The following RADIL variants were observed in gnomAD, a reference collection of about 807,000 sequenced individuals.
RADIL encodes Rap associating with DIL domain, also known as ras-associating and dilute domain-containing protein.
In RADIL, 99 loss-of-function variants were observed where a neutral mutation model predicts 97.6. The ratio of observed to expected loss-of-function variants is 1.01; its 90% confidence interval spans 0.86 to 1.20. The LOEUF (loss-of-function observed/expected upper bound fraction) is 1.20, where lower values mean the gene tolerates loss of function less well. RADIL is among the 50% of genes most tolerant of loss of function. The pLI, the probability that RADIL is intolerant of heterozygous loss-of-function variation, is 0.00. For missense variants in RADIL, 1,765 were observed against 1,498.9 expected, an observed-to-expected ratio of 1.18 and a Z score of -2.93; for synonymous variants, 803 against 691.8, an observed-to-expected ratio of 1.16 and a Z score of -2.52.
At position 4,842,315 on chromosome 7, in the gene RADIL, C is replaced by T. The variant is rs1004661121; in HGVS notation, c.536-5710G>A. Among the ~76,000 whole-genome samples the T allele has an allele frequency of 4.6e-5, 7 of 152,174 alleles. No individual in the cohort carries two copies. Among genetic ancestry groups the T allele is most frequent in the African/African-American group, 1.7e-4 (7 of 41,440 alleles). ...CTCCATGTCCCTGAAGCTCTGTTAG[C>T]GGCCTTCCTCCCCAGCCTGGGCCAA... On this transcript the variant is annotated intron_variant, in intron 2 of 14. Transcript: ENST00000399583. The surrounding 1 kb of genome is among the most constrained non-coding windows in gnomAD (Gnocchi z 4.5).
At chr7:4,804,217 A>G (rs1553961) in intron 10 of RADIL, 63,733 of 245,438 alleles carry the variant, frequency 0.26, 12,363 homozygotes, top group African/African-American at 0.61. Context: ...GAACAGGAGC[A>G]CCTTTCAGGC....
Position 4,801,857 on chromosome 7 carries a change from G to C in RADIL, c.2638C>G (p.Pro880Ala), listed in dbSNP as rs774872627. ...CCACGGCTGGGTTGCCTTCCAGGGG[G>C]GGCCTGTGCCCAGGGAGCCCCCCTC... ...PLRGAPWAQA[P>A]PGRQPSRGGS... The change falls in exon 12 of 15, where the codon CCC (proline) becomes GCC (alanine). Residue 880 changes from proline (P) to alanine (A), a missense_variant. By Grantham distance (27) the Pro-to-Ala change is conservative. Transcript: ENST00000399583. 1 of 1,595,818 alleles carries C rather than the reference G, an allele frequency of 6.3e-7. No homozygotes were observed. The highest frequency in any genetic ancestry group is 8.5e-7 in the Non-Finnish European group (1 of 1,171,828).
At chr7:4,832,678 G>A (rs1054350994) in intron 4 of RADIL, among the ~76,000 whole-genome samples, 1 of 148,132 alleles carries the variant, frequency 6.8e-6, no homozygotes, top group African/African-American at 2.5e-5. Context: ...GGCAGAGGTT[G>A]CAGTGAGACG....
At chr7:4,832,741 CAAAAAAAAA>C (rs71032992) in intron 4 of RADIL, among the ~76,000 whole-genome samples, 2 of 66,524 alleles carry the variant, frequency 3.0e-5, no homozygotes, top group Admixed American at 1.8e-4. Flanking sequence ...TCCGTCTCAG[CAAAAAAAAA>C]AAAAAAAAAA....
chr7:4,862,977 C>G (rs1437875931), intron 2 of RADIL, among the ~76,000 whole-genome samples: 1 of 152,080 alleles, frequency 6.6e-6, no homozygotes, highest in Non-Finnish European at 1.5e-5. Context: ...ATTCCCGAAT[C>G]AGAAGTCATG....
chr7:4,816,067 C>T (rs1345191689), intron 8 of RADIL, among the ~76,000 whole-genome samples, 161 bp downstream of exon 8: 1 of 152,176 alleles, frequency 6.6e-6, no homozygotes, highest in African/African-American at 2.4e-5. Flanking sequence ...GATCTGTCCC[C>T]CCTCACTCTG....
intron 2 of RADIL, 125 bp downstream of exon 2, chr7:4,877,480 G>T (rs1038233687): frequency 9.4e-7 from 1 of 1,059,396 alleles, no homozygotes; most frequent in African/African-American, 1.6e-5. Flanking sequence ...CACGGGCTCC[G>T]ACTGCCTCCT....
At position 4,880,973 on chromosome 7, in the gene RADIL, A is replaced by T. The variant is rs1055674167; in HGVS notation, c.-65+2623T>A. ...AAAAAATTAGCTGGGCATGGTGTGCACCTGTAGTCCCAGCTACTCGGGAGG... is the reference window on the plus strand; with the variant it reads ...AAAAAATTAGCTGGGCATGGTGTGCTCCTGTAGTCCCAGCTACTCGGGAGG... On this transcript the variant is annotated intron_variant, in intron 1 of 14. Transcript: ENST00000399583. The surrounding 1 kb of genome is among the most constrained non-coding windows in gnomAD (Gnocchi z 4.5). 4.6e-5 allele frequency among the ~76,000 whole-genome samples: 7 copies of T among 151,758 alleles called. No individual in the cohort carries two copies. The highest frequency in any genetic ancestry group is 2.0e-4 in the Admixed American group (3 of 15,248).
At position 4,824,146 on chromosome 7, in the gene RADIL, G is replaced by A. The variant is rs978118418; in HGVS notation, c.1455-1592C>T. ...GGGTCTGCCTGGGGTGTGGAGGGCGGCCCTGCTGCCTGCCCCATGGCTGGC... is the reference window on the plus strand; with the variant it reads ...GGGTCTGCCTGGGGTGTGGAGGGCGACCCTGCTGCCTGCCCCATGGCTGGC... On this transcript the variant is annotated intron_variant, in intron 5 of 14. Coordinates refer to ENST00000399583, the MANE Select transcript of RADIL (RefSeq NM_018059.5). This position sits in a 1 kb window ranked among gnomAD's most constrained non-coding sequence, Gnocchi z 6.7. 2.6e-5 allele frequency among the ~76,000 whole-genome samples: 4 copies of A among 152,232 alleles called. No homozygotes were observed. Among genetic ancestry groups the A allele is most frequent in the Non-Finnish European group, 4.4e-5 (3 of 68,038 alleles).
At position 4,872,886 on chromosome 7, in the gene RADIL, G is replaced by A. The variant is rs1190871340; in HGVS notation, c.535+4719C>T. On this transcript the variant is annotated intron_variant, in intron 2 of 14. Transcript: ENST00000399583. This position sits in a 1 kb window ranked among gnomAD's most constrained non-coding sequence, Gnocchi z 5.8. Reference sequence around the variant, plus strand: ...GGGGAGAGGCCTGAGAGACTTTGGCGAAATGCTTCCCCTGAAATGGTGCAA... The same window carrying A: ...GGGGAGAGGCCTGAGAGACTTTGGCAAAATGCTTCCCCTGAAATGGTGCAA... 6.6e-6 allele frequency among the ~76,000 whole-genome samples: 1 copy of A among 152,136 alleles called. No homozygotes were observed. Among genetic ancestry groups the A allele is most frequent in the East Asian group, 1.9e-4 (1 of 5,184 alleles).
At position 4,798,004 on chromosome 7, in the gene RADIL, A is replaced by G. The variant is rs1367659426; in HGVS notation, c.*1374T>C. ...AAAAAATTAAATATTTATATTTTAT[A>G]TAATAAAATATAAAAAATGTTTATA... On this transcript the variant is annotated 3_prime_UTR_variant, in exon 15 of 15. Coordinates refer to ENST00000399583, the MANE Select transcript of RADIL (RefSeq NM_018059.5). 2 of 146,618 alleles carry G rather than the reference A, an allele frequency of 1.4e-5. No homozygotes were observed. Among genetic ancestry groups the G allele is most frequent in the African/African-American group, 5.2e-5 (2 of 38,698 alleles). 9.1% of individuals were successfully genotyped at this position (146,618 alleles called of 1,614,324 possible). A position where few individuals can be genotyped will look rare whatever the true frequency, so the allele number is the denominator to read the frequency against.
Position 4,883,216 on chromosome 7 carries a change from G to T in RADIL, c.-65+380C>A, listed in dbSNP as rs563638266. Among the ~76,000 whole-genome samples the T allele has an allele frequency of 1.4e-5, 2 of 143,958 alleles. No homozygotes were observed. The highest frequency in any genetic ancestry group is 2.9e-5 in the Non-Finnish European group (2 of 67,808). The allele number at this position is 143,958 out of a possible 152,430, so 94.4% of individuals were successfully genotyped here. A position where few individuals can be genotyped will look rare whatever the true frequency, so the allele number is the denominator to read the frequency against. On this transcript the variant is annotated intron_variant, in intron 1 of 14. Transcript: ENST00000399583. This position sits in a 1 kb window ranked among gnomAD's most constrained non-coding sequence, Gnocchi z 7.1. ...TCCCCCGCTGCGCGCCCCGGACGAAGCTCCCCCTCCAGGGCACAGCCGGGA... is the reference window on the plus strand; with the variant it reads ...TCCCCCGCTGCGCGCCCCGGACGAATCTCCCCCTCCAGGGCACAGCCGGGA...
chr7:4,816,520 G>A (rs763274086), intron 7 of RADIL, 55 bp from the exon 8 acceptor site: 971 of 1,465,626 alleles, frequency 6.6e-4, no homozygotes, highest in Middle Eastern at 3.1e-3. Flanking sequence ...GCTGGCGGCC[G>A]AACGGGGGGC....
chr7:4,849,349 T>G lies in RADIL; in HGVS notation c.536-12744A>C, dbSNP rs904460450. On this transcript the variant is annotated intron_variant, in intron 2 of 14. Coordinates refer to ENST00000399583, the MANE Select transcript of RADIL (RefSeq NM_018059.5). This position sits in a 1 kb window ranked among gnomAD's most constrained non-coding sequence, Gnocchi z 5.4. Reference sequence around the variant, plus strand: ...AGTAAAAATATTTAAGTGTACATAGTTTTCATTCTACTGCAAGAATGAATT... The same window carrying G: ...AGTAAAAATATTTAAGTGTACATAGGTTTCATTCTACTGCAAGAATGAATT... 2.0e-5 allele frequency among the ~76,000 whole-genome samples: 3 copies of G among 152,210 alleles called. No homozygotes were observed. Among genetic ancestry groups the G allele is most frequent in the Non-Finnish European group, 1.5e-5 (1 of 68,032 alleles).
Position 4,867,750 on chromosome 7 carries a change from T to C in RADIL, c.535+9855A>G, listed in dbSNP as rs916430804. ...CAAAATATTATTTATGTATTAAGGA[T>C]ACATATGAATCCAAATATATGAAAG... On this transcript the variant is annotated intron_variant, in intron 2 of 14. Coordinates refer to ENST00000399583, the MANE Select transcript of RADIL (RefSeq NM_018059.5). This position sits in a 1 kb window ranked among gnomAD's most constrained non-coding sequence, Gnocchi z 4.1. Among the ~76,000 whole-genome samples the C allele has an allele frequency of 2.0e-5, 3 of 152,236 alleles. No homozygotes were observed. Among genetic ancestry groups the C allele is most frequent in the African/African-American group, 7.2e-5 (3 of 41,474 alleles).
intron 2 of RADIL, among the ~76,000 whole-genome samples, chr7:4,847,933 C>T (rs879113277): frequency 3.2e-4 from 49 of 152,164 alleles, no homozygotes; most frequent in African/African-American, 1.0e-3. Flanking sequence ...CAGTGGCTCT[C>T]GCCTGTAATC....
In RADIL at chr7:4,815,122, T is replaced by C. The variant is rs1330797192; in HGVS notation, c.2139+156A>G. Among the ~76,000 whole-genome samples the C allele has an allele frequency of 2.6e-5, 4 of 152,088 alleles. No homozygotes were observed. Among genetic ancestry groups the C allele is most frequent in the Admixed American group, 2.6e-4 (4 of 15,268 alleles). On this transcript the variant is annotated intron_variant, in intron 9 of 14. Coordinates refer to ENST00000399583, the MANE Select transcript of RADIL (RefSeq NM_018059.5). This position sits in a 1 kb window ranked among gnomAD's most constrained non-coding sequence, Gnocchi z 8.0. ...TGTCTACCGCAGGTGGACACAGCCA[T>C]GGAATGGAAGCAACTTTTCTGATTA...
rs1413079735 is a variant in RADIL, at chr7:4,814,293, A to G, written c.2139+985T>C. 6.6e-6 allele frequency among the ~76,000 whole-genome samples: 1 copy of G among 152,132 alleles called. No homozygotes were observed. Among genetic ancestry groups the G allele is most frequent in the Non-Finnish European group, 1.5e-5 (1 of 68,026 alleles). The stretch of plus-strand genomic sequence containing the variant: ...AGGATCCAGACAGCCTCATTTTACG[A>G]ATTTTCTACAGTCAATAAAAATGCT... On this transcript the variant is annotated intron_variant, in intron 9 of 14. Coordinates refer to ENST00000399583, the MANE Select transcript of RADIL (RefSeq NM_018059.5). This position sits in a 1 kb window ranked among gnomAD's most constrained non-coding sequence, Gnocchi z 4.5.
In RADIL at chr7:4,799,289, G is replaced by A; in HGVS notation, c.*89C>T. 7.4e-7 allele frequency: 1 copy of A among 1,359,568 alleles called. No homozygotes were observed. Among genetic ancestry groups the A allele is most frequent in the South Asian group, 1.2e-5 (1 of 81,650 alleles). 84.2% of individuals were successfully genotyped at this position (1,359,568 alleles called of 1,614,324 possible). ...CCCCACCCGGGACCCAACTTGGTCA[G>A]TTACAAAACAGGGACGAAGGCGGGA... On this transcript the variant is annotated 3_prime_UTR_variant, in exon 15 of 15. Transcript: ENST00000399583.
Sources: gnomAD v4.1 joint callset for allele counts (sites outside exome capture counted in the v4.1 genomes callset) on GRCh38, gnomAD v4.1.1 for gene constraint, Gnocchi (gnomAD v3.1) non-coding constraint, MANE v1.5 for transcripts, NCBI Gene and HGNC (gene_info 2026-07-23, HGNC 2026-07-21) for gene names.